MFAP1: variants seen among roughly 807,000 people sequenced by gnomAD.
MFAP1 encodes the protein microfibril associated protein 1, also known as microfibrillar-associated protein 1.
A neutral mutation model predicts 62.2 loss-of-function variants in MFAP1; 18 were observed. The ratio of observed to expected loss-of-function variants is 0.29; its 90% CI spans 0.20 to 0.43. MFAP1 has a LOEUF of 0.43. MFAP1 is among the 20% of genes least tolerant of loss of function. The pLI, the probability that MFAP1 is intolerant of heterozygous loss-of-function variation, is 1.00. For synonymous variants in MFAP1, 175 were observed against 180.4 expected (o/e 0.97, Z 0.24); for missense variants, 355 against 559.7 (o/e 0.63, Z 3.69).
intron 6 of MFAP1, 131 bp from the exon 7 acceptor site, chr15:43,810,045 A>G (rs2087389452): frequency 8.9e-7 from 1 of 1,126,096 alleles, no homozygotes; most frequent in Non-Finnish European, 1.3e-6. Flanking sequence ...CCTATTAGGA[A>G]TCAAGATAAG....
At chr15:43,811,181 G>A (rs533466263) in intron 6 of MFAP1, among the ~76,000 whole-genome samples, 1 of 151,234 alleles carries the variant, frequency 6.6e-6, no homozygotes, top group African/African-American at 2.4e-5. Flanking sequence ...TTGGGAGGCC[G>A]AGGTGGGTGG....
intron 1 of MFAP1, among the ~76,000 whole-genome samples, chr15:43,821,471 T>C (rs1423101052): frequency 6.6e-6 from 1 of 151,978 alleles, no homozygotes; most frequent in African/African-American, 2.4e-5. Context: ...GGGTGGGGCA[T>C]AGTTTACCAG....
At chr15:43,814,375 G>C (rs1382170429) in intron 4 of MFAP1, 126 bp downstream of exon 4, 5 of 1,036,640 alleles carry the variant, frequency 4.8e-6, no homozygotes, top group African/African-American at 4.8e-5. Context: ...CAAGGGTAGA[G>C]CACTAGCAAA....
intron 7 of MFAP1, among the ~76,000 whole-genome samples, chr15:43,806,709 C>A (rs963808993): frequency 7.2e-5 from 11 of 152,112 alleles, no homozygotes; most frequent in Admixed American, 3.3e-4. Flanking sequence ...TCTGTCTCTA[C>A]TAAAAATACA....
intron 7 of MFAP1, among the ~76,000 whole-genome samples, chr15:43,807,417 C>G (rs548767196): frequency 6.6e-6 from 1 of 150,594 alleles, no homozygotes; most frequent in Admixed American, 6.6e-5. Context: ...GGCGTGATCT[C>G]GGCTCACTGC....
At chr15:43,810,292 A>G (rs1756262803) in intron 6 of MFAP1, among the ~76,000 whole-genome samples, 1 of 151,078 alleles carries the variant, frequency 6.6e-6, no homozygotes. Context: ...ATGTAAGTGT[A>G]TCATAATCAT....
intron 2 of MFAP1, 150 bp downstream of exon 2, chr15:43,817,079 G>GATA: frequency 1.2e-6 from 1 of 808,942 alleles, no homozygotes. Context: ...GTGAAATGGG[G>GATA]ATAATAGCAC....
intron 1 of MFAP1, among the ~76,000 whole-genome samples, chr15:43,823,417 C>T (rs991533027): frequency 2.6e-5 from 4 of 151,330 alleles, no homozygotes; most frequent in African/African-American, 9.7e-5. Flanking sequence ...CACACTGTGG[C>T]CCAGGCTGGA....
In MFAP1 at chr15:43,805,031, A is replaced by G. The variant is rs1327881937; in HGVS notation, c.*63T>C. The G allele has an allele frequency of 1.3e-6, 2 of 1,491,936 alleles. No individual in the cohort carries two copies. Among genetic ancestry groups the G allele is most frequent in the African/African-American group, 2.8e-5 (2 of 71,352 alleles). 92.4% of individuals were successfully genotyped at this position (1,491,936 alleles called of 1,614,324 possible). Reference sequence around the variant, plus strand: ...GCCAAGGAAACAATGAAAAAACCAAATCAAGGACCAGATGCTGAGACTCCC... The same window carrying G: ...GCCAAGGAAACAATGAAAAAACCAAGTCAAGGACCAGATGCTGAGACTCCC... On this transcript the variant is annotated 3_prime_UTR_variant, in exon 9 of 9. Coordinates refer to ENST00000267812, the MANE Select transcript of MFAP1 (RefSeq NM_005926.3).
At chr15:43,814,154 G>C (rs1289409994) in intron 4 of MFAP1, among the ~76,000 whole-genome samples, 1 of 152,158 alleles carries the variant, frequency 6.6e-6, no homozygotes, top group African/African-American at 2.4e-5. Flanking sequence ...TCGGGAGACA[G>C]AGGCAGAACT....
rs1359923626 is a variant in MFAP1 at position 43,824,628 on chromosome 15, C to G, written c.-59G>C. On this transcript the variant is annotated 5_prime_UTR_variant, in exon 1 of 9. Coordinates refer to ENST00000267812, the MANE Select transcript of MFAP1 (RefSeq NM_005926.3). Reference sequence around the variant, plus strand: ...ACTAATTCCAAACAGTGAACACCAGCAACGTCAACGAAGAGAAGAAATTCC... The same window carrying G: ...ACTAATTCCAAACAGTGAACACCAGGAACGTCAACGAAGAGAAGAAATTCC... 3 of 1,558,412 alleles carry G rather than the reference C, an allele frequency of 1.9e-6. No homozygotes were observed. The highest frequency in any genetic ancestry group is 2.2e-5 in the East Asian group (1 of 44,488).
Position 43,814,939 on chromosome 15 carries a change from T to A in MFAP1, c.429+6A>T, listed in dbSNP as rs1342951136. 6.2e-7 allele frequency: 1 copy of A among 1,614,016 alleles called. No homozygotes were observed. The highest frequency in any genetic ancestry group is 1.1e-5 in the South Asian group (1 of 91,036). ...GAAAAAAACTTCCCATGTTCCTTTA[T>A]CATACCTCATCATCAATTTCCTCCT... On this transcript the variant is annotated splice_donor_region_variant and intron_variant, in intron 3 of 8. Transcript: ENST00000267812.
chr15:43,809,417 G>A (rs1387016203), intron 7 of MFAP1, among the ~76,000 whole-genome samples: 7 of 150,862 alleles, frequency 4.6e-5, no homozygotes, highest in African/African-American at 1.2e-4. Context: ...GGTGTAAAGC[G>A]CAGGACGTCA....
intron 7 of MFAP1, among the ~76,000 whole-genome samples, chr15:43,807,321 A>G (rs2087372053): frequency 6.6e-6 from 1 of 151,162 alleles, no homozygotes; most frequent in Non-Finnish European, 1.5e-5. Flanking sequence ...ACTGCACTCA[A>G]GCCTAGGTGA....
Position 43,804,952 on chromosome 15 carries a change from C to T in MFAP1, c.*142G>A, listed in dbSNP as rs978261755. ...AAACCTCACAAAGCACCTTCAAAGT[C>T]TGGGCTACCCAGTATCACAAGTATA... On this transcript the variant is annotated 3_prime_UTR_variant, in exon 9 of 9. Coordinates refer to ENST00000267812, the MANE Select transcript of MFAP1 (RefSeq NM_005926.3). 1.1e-6 allele frequency: 1 copy of T among 905,494 alleles called. No individual in the cohort carries two copies. Among genetic ancestry groups the T allele is most frequent in the African/African-American group, 1.7e-5 (1 of 60,210 alleles). 56.1% of individuals were successfully genotyped at this position (905,494 alleles called of 1,614,324 possible). A position where few individuals can be genotyped will look rare whatever the true frequency, so the allele number is the denominator to read the frequency against.
intron 1 of MFAP1, among the ~76,000 whole-genome samples, chr15:43,822,925 G>GC (rs2087475459): frequency 6.7e-6 from 1 of 150,280 alleles, no homozygotes; most frequent in South Asian, 2.1e-4. Flanking sequence ...TGCAACCTCT[G>GC]CCCCCTGAGT....
At chr15:43,805,342 C>T in intron 8 of MFAP1, 34 bp downstream of exon 8, 1 of 1,604,670 alleles carries the variant, frequency 6.2e-7, no homozygotes. Context: ...CAATACATCA[C>T]TTTTCTCTGT....
chr15:43,822,379 C>T (rs1567178226), intron 1 of MFAP1, among the ~76,000 whole-genome samples: 4 of 151,872 alleles, frequency 2.6e-5, no homozygotes, highest in Non-Finnish European at 1.5e-5. Context: ...AGTTTGTTTT[C>T]TTTTTTTTCT....
At chr15:43,822,902 G>A (rs903180391) in intron 1 of MFAP1, among the ~76,000 whole-genome samples, 6 of 151,812 alleles carry the variant, frequency 4.0e-5, no homozygotes, top group Non-Finnish European at 5.9e-5. Context: ...GCAATGGTGC[G>A]ATCTCGGCTC....
Sources: allele counts gnomAD v4.1 joint callset (sites outside exome capture counted in the v4.1 genomes callset), GRCh38; gene constraint gnomAD v4.1.1; transcripts MANE v1.5; gene names NCBI Gene and HGNC (gene_info 2026-07-23, HGNC 2026-07-21).